ME3: variants seen among roughly 807,000 people sequenced by gnomAD.
ME3 encodes NADP-dependent malic enzyme, mitochondrial.
ME3 carries 48 observed loss-of-function variants against 68.9 expected under a neutral mutation model. The ratio of observed to expected loss-of-function variants is 0.70; its 90% CI spans 0.55 to 0.89. The LOEUF (loss-of-function observed/expected upper bound fraction) is 0.89, where lower values mean the gene tolerates loss of function less well. Ranked by LOEUF, ME3 falls within the 40% of genes least tolerant of loss-of-function variation. The pLI is 0.00. For synonymous variants in ME3, 320 were observed against 318.8 expected (o/e 1.00, Z -0.04); for missense variants, 675 against 797.4 (o/e 0.85, Z 1.85).
chr11:86,655,568 G>C (rs201899523), intron 2 of ME3, among the ~76,000 whole-genome samples: 10,488 of 151,616 alleles, frequency 0.069, 448 homozygotes, highest in East Asian at 0.14. Context: ...AAACTGGATC[G>C]CTTCCTTATA....
chr11:86,524,541 T>C (rs1205664631), intron 4 of ME3, among the ~76,000 whole-genome samples: 1 of 152,220 alleles, frequency 6.6e-6, no homozygotes, highest in African/African-American at 2.4e-5. Context: ...AAAGCTCGAA[T>C]CCATTTTATG....
intron 2 of ME3, among the ~76,000 whole-genome samples, chr11:86,635,436 T>C (rs536579996): frequency 1.4e-4 from 21 of 152,196 alleles, no homozygotes; most frequent in Admixed American, 2.6e-4. Flanking sequence ...CCACACAGTC[T>C]ATGGTATTTT....
chr11:86,459,124 A>G lies in ME3; in HGVS notation c.919+5967T>C, dbSNP rs555326346. Among the ~76,000 whole-genome samples the G allele has an allele frequency of 2.6e-5, 4 of 152,318 alleles. No homozygotes were observed. In the South Asian group the frequency reaches 8.3e-4, roughly 32 times the overall value. Reference sequence around the variant, plus strand: ...GAAGTGAAATGAGCCTTTATGGACAAACAGAAAGTAGTGAAGAACAGGAAG... The same window carrying G: ...GAAGTGAAATGAGCCTTTATGGACAGACAGAAAGTAGTGAAGAACAGGAAG... On this transcript the variant is annotated intron_variant, in intron 8 of 14. Transcript: ENST00000543262.
At chr11:86,551,310 CA>C (rs1256391506) in intron 4 of ME3, among the ~76,000 whole-genome samples, 1 of 152,046 alleles carries the variant, frequency 6.6e-6, no homozygotes, top group Non-Finnish European at 1.5e-5. Context: ...GCTCCAAGGC[CA>C]CATGGTATTT....
chr11:86,593,424 C>T (rs1959166430), intron 2 of ME3, among the ~76,000 whole-genome samples: 3 of 146,670 alleles, frequency 2.0e-5, no homozygotes, highest in Non-Finnish European at 4.5e-5. Context: ...ACTTGGGTTG[C>T]ATGTTTAATA....
At chr11:86,485,035 A>G (rs762148830) in intron 7 of ME3, among the ~76,000 whole-genome samples, 1 of 152,184 alleles carries the variant, frequency 6.6e-6, no homozygotes, top group Non-Finnish European at 1.5e-5. Flanking sequence ...AAGCCATGCA[A>G]CCTATCCTTG....
intron 7 of ME3, among the ~76,000 whole-genome samples, chr11:86,486,016 C>G (rs748804382): frequency 2.0e-5 from 3 of 152,184 alleles, no homozygotes; most frequent in Non-Finnish European, 4.4e-5. Context: ...ATCCTTAAAC[C>G]TCCCCATCCT....
intron 2 of ME3, among the ~76,000 whole-genome samples, chr11:86,654,055 G>A (rs1397942336): frequency 6.6e-6 from 1 of 152,112 alleles, no homozygotes; most frequent in Non-Finnish European, 1.5e-5. Flanking sequence ...GGAAGAATTT[G>A]AATCTCTGAA....
At chr11:86,619,315 G>A (rs1943196610) in intron 2 of ME3, among the ~76,000 whole-genome samples, 1 of 152,218 alleles carries the variant, frequency 6.6e-6, no homozygotes, top group South Asian at 2.1e-4. Context: ...CTATTAATGT[G>A]AGAAATTATA....
intron 2 of ME3, among the ~76,000 whole-genome samples, chr11:86,642,699 G>C (rs184054349): frequency 1.8e-4 from 28 of 152,176 alleles, no homozygotes; most frequent in African/African-American, 6.5e-4. Context: ...GCAAGACCCT[G>C]TCTTATAAAA....
intron 2 of ME3, among the ~76,000 whole-genome samples, chr11:86,649,711 T>C (rs866207997): frequency 6.6e-6 from 1 of 152,172 alleles, no homozygotes; most frequent in African/African-American, 2.4e-5. Context: ...CCATTCACAA[T>C]TCCTATGAAG....
At chr11:86,571,157 T>G (rs1197707706) in intron 2 of ME3, among the ~76,000 whole-genome samples, 2 of 152,210 alleles carry the variant, frequency 1.3e-5, no homozygotes, top group African/African-American at 4.8e-5. Context: ...AGATGATAAG[T>G]TTTTTGAGGT....
intron 2 of ME3, among the ~76,000 whole-genome samples, chr11:86,656,591 C>T (rs566007928): frequency 8.6e-6 from 1 of 116,470 alleles, no homozygotes; most frequent in South Asian, 2.8e-4. Context: ...CACACCAAGG[C>T]CTGTTTTGGG....
At chr11:86,645,417 T>C (rs1005757295) in intron 2 of ME3, among the ~76,000 whole-genome samples, 2 of 152,154 alleles carry the variant, frequency 1.3e-5, no homozygotes, top group Non-Finnish European at 2.9e-5. Flanking sequence ...GTAGGCCGTT[T>C]TCCCCTCACA....
chr11:86,570,692 C>A (rs1054991272), intron 2 of ME3, among the ~76,000 whole-genome samples: 5 of 152,214 alleles, frequency 3.3e-5, no homozygotes, highest in Non-Finnish European at 4.4e-5. Context: ...CGCCCAGAAC[C>A]AACTCTAAAC....
chr11:86,441,472 G>T, intron 14 of ME3, 32 bp from the exon 15 acceptor site: 2 of 1,546,084 alleles, frequency 1.3e-6, no homozygotes, highest in South Asian at 2.6e-5. Context: ...TAAGGAACCG[G>T]ATCTAAGGGG....
rs1394350811 is a variant in ME3 at position 86,598,826 on chromosome 11, T to G, written c.184-39003A>C. 1.3e-5 allele frequency among the ~76,000 whole-genome samples: 2 copies of G among 152,286 alleles called. 1 individual carries two copies. The highest frequency in any genetic ancestry group is 4.8e-5 in the African/African-American group (2 of 41,556). On this transcript the variant is annotated intron_variant, in intron 2 of 14. Transcript: ENST00000543262. ...ACAGTTCTGCAGACACCGCTGCTGA[T>G]ACCCAGGCAAACAGGGTCTGGAGTG...
At chr11:86,662,643 T>C (rs574397062) in intron 2 of ME3, among the ~76,000 whole-genome samples, 1 of 152,220 alleles carries the variant, frequency 6.6e-6, no homozygotes, top group Non-Finnish European at 1.5e-5. Flanking sequence ...AATAATATAA[T>C]AACAGTGTCT....
At chr11:86,559,732 C>T (rs763962263) in exon 3 of ME3, 5 of 1,613,770 alleles carry the variant, frequency 3.1e-6, no homozygotes, top group African/African-American at 2.7e-5. Flanking sequence ...TCTCATGATT[C>T]GGAGGAGCTG....
Sources: gnomAD v4.1 joint callset for allele counts (sites outside exome capture counted in the v4.1 genomes callset) on GRCh38, gnomAD v4.1.1 for gene constraint, MANE v1.5 for transcripts, NCBI Gene and HGNC (gene_info 2026-07-23, HGNC 2026-07-21) for gene names.